Variants in ADAP1 observed in about 807,000 individuals in gnomAD.
ADAP1 encodes the protein ArfGAP with dual PH domains 1.
In ADAP1, 31 loss-of-function variants were observed where a neutral mutation model predicts 54.9. The ratio of observed to expected loss-of-function variants is 0.56; its 90% CI spans 0.42 to 0.76. The LOEUF (loss-of-function observed/expected upper bound fraction) is 0.76, where lower values mean the gene tolerates loss of function less well. Among genes scored for constraint, ADAP1 ranks in the 30% least tolerant of loss-of-function variants. The probability of loss-of-function intolerance (pLI) is 0.00; values close to 1 mark genes in which losing one functional copy is unlikely to be tolerated. For synonymous variants in ADAP1, 313 were observed against 202.6 expected (o/e 1.55, Z -4.63); for missense variants, 535 against 512.4 (o/e 1.04, Z -0.42).
rs370723250 is a variant in ADAP1 at position 948,191 on chromosome 7, T to C, written c.82+6205A>G. Among the ~76,000 whole-genome samples the C allele has an allele frequency of 6.1e-5, 9 of 148,596 alleles. No individual in the cohort carries two copies. The East Asian group carries it at 1.7e-3, about 28-fold the overall frequency. On this transcript the variant is annotated intron_variant, in intron 1 of 10. Coordinates refer to ENST00000265846, the MANE Select transcript of ADAP1 (RefSeq NM_006869.4). Reference sequence around the variant, plus strand: ...GAATCTGCAGGACCTGACCCAGCCATGTCTGTCCCTCCCTCCTCACCCCAT... The same window carrying C: ...GAATCTGCAGGACCTGACCCAGCCACGTCTGTCCCTCCCTCCTCACCCCAT...
intron 2 of ADAP1, 101 bp downstream of exon 2, chr7:935,274 C>T (rs1326670996): frequency 6.8e-7 from 1 of 1,472,718 alleles, no homozygotes; most frequent in African/African-American, 1.4e-5. Context: ...GCCCAAGGCT[C>T]CAGGGGCCAC....
rs55956927 is a variant in ADAP1, at chr7:926,359, C to CAACCCA, written c.305+193_305+194insTGGGTT. On this transcript the variant is annotated intron_variant, in intron 3 of 10. Transcript: ENST00000265846. The surrounding 1 kb of genome is among the most constrained non-coding windows in gnomAD (Gnocchi z 4.6). ...TTCCCAGCCCCACCCCAGCGCCCCCCGCCCCAGAACCAAAGCCCGGTGGTG... is the reference window on the plus strand; with the variant it reads ...TTCCCAGCCCCACCCCAGCGCCCCCCAACCCAGCCCCAGAACCAAAGCCCGGTGGTG... 6.6e-6 allele frequency among the ~76,000 whole-genome samples: 1 copy of CAACCCA among 150,614 alleles called. No homozygotes were observed. Among genetic ancestry groups the CAACCCA allele is most frequent in the Non-Finnish European group, 1.5e-5 (1 of 67,462 alleles).
chr7:935,552 C>T lies in ADAP1; in HGVS notation c.83-47G>A, dbSNP rs764324419. The T allele has an allele frequency of 9.7e-6, 15 of 1,547,572 alleles. No individual in the cohort carries two copies. In the Admixed American group the frequency reaches 9.8e-5, roughly 10 times the overall value. ...TCACGGAGGCTCAGCCCAGGGACCC[C>T]GGAGGGAGGGTGGACGGAGCCTCGA... On this transcript the variant is annotated intron_variant, in intron 1 of 10. Transcript: ENST00000265846.
At chr7:905,751 G>C (rs564360630) in intron 4 of ADAP1, 2 of 55,156 alleles carry the variant, frequency 3.6e-5, no homozygotes, top group African/African-American at 9.0e-5. Flanking sequence ...GGAGAAGGGA[G>C]AAGGGAGAAG....
chr7:905,875 G>A (rs1845244196), intron 4 of ADAP1, among the ~76,000 whole-genome samples: 2 of 18,404 alleles, frequency 1.1e-4, no homozygotes, highest in Admixed American at 3.2e-4. Context: ...AGGGAGAAGG[G>A]AGAAAGGAGA....
intron 1 of ADAP1, among the ~76,000 whole-genome samples, chr7:951,234 G>A (rs1164434841): frequency 1.3e-5 from 2 of 152,052 alleles, no homozygotes; most frequent in African/African-American, 2.4e-5. Flanking sequence ...TTAGCCGGGC[G>A]TGGTGGCGGG....
At position 920,479 on chromosome 7, in the gene ADAP1, G is replaced by A. The variant is rs1001660622; in HGVS notation, c.306-429C>T. ...GTTGGACCGGATCTGGGAAGTGGCCGCGGCGCCGCCCTCCACCCACCGTGC... is the reference window on the plus strand; with the variant it reads ...GTTGGACCGGATCTGGGAAGTGGCCACGGCGCCGCCCTCCACCCACCGTGC... On this transcript the variant is annotated intron_variant, in intron 3 of 10. Coordinates refer to ENST00000265846, the MANE Select transcript of ADAP1 (RefSeq NM_006869.4). The surrounding 1 kb of genome is among the most constrained non-coding windows in gnomAD (Gnocchi z 4.5). Among the ~76,000 whole-genome samples the A allele has an allele frequency of 1.4e-4, 21 of 145,234 alleles. No homozygotes were observed. Among genetic ancestry groups the A allele is most frequent in the Admixed American group, 4.9e-4 (7 of 14,406 alleles).
At chr7:949,945 TAC>T (rs1847228150) in intron 1 of ADAP1, among the ~76,000 whole-genome samples, 1 of 152,212 alleles carries the variant, frequency 6.6e-6, no homozygotes, top group South Asian at 2.1e-4. Flanking sequence ...CAGTCCTGGG[TAC>T]AGACCCAAAC....
intron 6 of ADAP1, among the ~76,000 whole-genome samples, chr7:903,211 C>T (rs1031641126): frequency 4.6e-5 from 7 of 152,274 alleles, no homozygotes; most frequent in African/African-American, 1.4e-4. Context: ...GCGATCACAG[C>T]GTGCTCTGAG....
chr7:939,152 T>C (rs1846865251), intron 1 of ADAP1, among the ~76,000 whole-genome samples: 1 of 152,218 alleles, frequency 6.6e-6, no homozygotes, highest in South Asian at 2.1e-4. Context: ...GAACTGTCTA[T>C]AGCTGCTTTT....
chr7:901,156 TG>T, intron 6 of ADAP1: 1 of 399,534 alleles, frequency 2.5e-6, no homozygotes, highest in Non-Finnish European at 5.0e-6. Flanking sequence ...CTGGAGAGCG[TG>T]GGGTGGGCCA....
intron 4 of ADAP1, among the ~76,000 whole-genome samples, chr7:911,029 A>ACGCTC (rs1024123717): frequency 1.3e-5 from 2 of 152,002 alleles, no homozygotes; most frequent in African/African-American, 4.8e-5. Flanking sequence ...CCGTCCACCC[A>ACGCTC]CGCTCTCCGA....
chr7:912,378 C>G (rs1046773433), intron 4 of ADAP1, among the ~76,000 whole-genome samples: 2 of 152,186 alleles, frequency 1.3e-5, no homozygotes, highest in African/African-American at 4.8e-5. Flanking sequence ...AGGGTCACCC[C>G]CAGGGGCAGG....
At chr7:954,304 C>G (rs924555939) in intron 1 of ADAP1, 92 bp downstream of exon 1, 2 of 987,410 alleles carry the variant, frequency 2.0e-6, no homozygotes, top group Non-Finnish European at 2.4e-6. Context: ...CGCGCTCCCC[C>G]GCCCGGTCCC....
chr7:920,163 A>G lies in ADAP1; in HGVS notation c.306-113T>C. ...CAAGAGGCTCATAGGGACCCCCGGC[A>G]GACTCGAGCCGCCCCTCTGGGCACA... On this transcript the variant is annotated intron_variant, in intron 3 of 10. Coordinates refer to ENST00000265846, the MANE Select transcript of ADAP1 (RefSeq NM_006869.4). The surrounding 1 kb of genome is among the most constrained non-coding windows in gnomAD (Gnocchi z 4.5). The G allele has an allele frequency of 1.1e-6, 1 of 888,134 alleles. No homozygotes were observed. Among genetic ancestry groups the G allele is most frequent in the African/African-American group, 1.7e-5 (1 of 59,376 alleles). The allele number at this position is 888,134 out of a possible 1,614,324, so 55.0% of individuals were successfully genotyped here.
chr7:908,565 G>A (rs574186887), intron 4 of ADAP1, among the ~76,000 whole-genome samples: 41 of 152,222 alleles, frequency 2.7e-4, no homozygotes, highest in Admixed American at 6.5e-4. Flanking sequence ...CTGTGAGAGC[G>A]AGGCCACCAG....
At position 920,936 on chromosome 7, in the gene ADAP1, G is replaced by T; in HGVS notation, c.306-886C>A. 6.9e-7 allele frequency: 1 copy of T among 1,442,520 alleles called. No homozygotes were observed. Among genetic ancestry groups the T allele is most frequent in the Non-Finnish European group, 9.5e-7 (1 of 1,053,848 alleles). 89.4% of individuals were successfully genotyped at this position (1,442,520 alleles called of 1,614,324 possible). A position where few individuals can be genotyped will look rare whatever the true frequency, so the allele number is the denominator to read the frequency against. ...CCCTGTGGCTTCCTGCTGGGCCCAC[G>T]TGAACAGCCTTGGAGACTGGGCGGG... On this transcript the variant is annotated intron_variant, in intron 3 of 10. Transcript: ENST00000265846. This position sits in a 1 kb window ranked among gnomAD's most constrained non-coding sequence, Gnocchi z 4.5.
intron 4 of ADAP1, among the ~76,000 whole-genome samples, chr7:912,496 G>A (rs191129849): frequency 2.6e-5 from 4 of 152,288 alleles, no homozygotes; most frequent in African/African-American, 7.2e-5. Flanking sequence ...CGCAGAGGGT[G>A]GGGGAGCCCT....
rs918700364 is a variant in ADAP1 at position 946,065 on chromosome 7, C to T, written c.82+8331G>A. On this transcript the variant is annotated intron_variant, in intron 1 of 10. Transcript: ENST00000265846. This position sits in a 1 kb window ranked among gnomAD's most constrained non-coding sequence, Gnocchi z 4.3. ...AAGGGGCAGCCGAGGTGGGAGGGTG[C>T]CCTTGTGGGAGGGGCTCCGGTGCCC... Among the ~76,000 whole-genome samples the T allele has an allele frequency of 6.6e-6, 1 of 152,332 alleles. No homozygotes were observed. Among genetic ancestry groups the T allele is most frequent in the African/African-American group, 2.4e-5 (1 of 41,580 alleles).
Sources: allele counts gnomAD v4.1 joint callset (sites outside exome capture counted in the v4.1 genomes callset), GRCh38; gene constraint gnomAD v4.1.1; non-coding constraint Gnocchi (gnomAD v3.1); transcripts MANE v1.5; gene names NCBI Gene and HGNC (gene_info 2026-07-23, HGNC 2026-07-21).